Variants in FAM53A observed in about 807,000 individuals in gnomAD.
FAM53A encodes protein FAM53A.
Under a neutral mutation model 26.6 loss-of-function variants are expected in FAM53A, and 28 were observed. The ratio of observed to expected loss-of-function variants is 1.05; its 90% confidence interval spans 0.78 to 1.45. The LOEUF (loss-of-function observed/expected upper bound fraction) is 1.45. Ranked by LOEUF, FAM53A falls within the 40% of genes most tolerant of loss-of-function variation. The pLI, the probability that FAM53A is intolerant of heterozygous loss-of-function variation, is 0.00. For missense variants in FAM53A, 650 were observed against 575.8 expected (o/e 1.13, Z -1.32); for synonymous variants, 290 against 253.1 (o/e 1.15, Z -1.38).
intron 1 of FAM53A, among the ~76,000 whole-genome samples, chr4:1,682,308 G>T (rs1237140604): frequency 2.1e-5 from 3 of 139,948 alleles, no homozygotes; most frequent in Admixed American, 1.6e-4. Context: ...CTGTCATCAC[G>T]GTGGCGTGCA....
intron 1 of FAM53A, among the ~76,000 whole-genome samples, chr4:1,623,907 G>A (rs1357373709): frequency 6.6e-6 from 1 of 152,214 alleles, no homozygotes; most frequent in East Asian, 1.9e-4. Context: ...AGAAGTGGGT[G>A]CCCGGCTGGG....
At chr4:1,592,208 G>GA in the FAM53A span, among the ~76,000 whole-genome samples, 81 of 150,804 alleles carry the variant, frequency 5.4e-4, no homozygotes, top group Admixed American at 2.0e-3. Flanking sequence ...ACACCCCAGG[G>GA]AAAAAAAAAT....
At chr4:1,592,670 G>T in the FAM53A span, among the ~76,000 whole-genome samples, 1 of 152,108 alleles carries the variant, frequency 6.6e-6, no homozygotes, top group Non-Finnish European at 1.5e-5. Context: ...GCCTGGGGAT[G>T]GGAGGGCAGG....
chr4:1,677,446 C>G (rs960105993), intron 1 of FAM53A, among the ~76,000 whole-genome samples: 7 of 152,234 alleles, frequency 4.6e-5, no homozygotes, highest in African/African-American at 1.7e-4. Flanking sequence ...GCTCCCTCCT[C>G]TTCTCCAAAT....
the FAM53A span, among the ~76,000 whole-genome samples, chr4:1,587,989 A>C: frequency 2.0e-5 from 3 of 152,158 alleles, no homozygotes; most frequent in African/African-American, 7.2e-5. Flanking sequence ...TTCAATGTAC[A>C]TTTTAAAATT....
At chr4:1,644,149 T>C in intron 4 of FAM53A, 1 of 1,526,962 alleles carries the variant, frequency 6.5e-7, no homozygotes, top group South Asian at 1.2e-5. Context: ...ACCACCAGGC[T>C]GCACTACACA....
At chr4:1,657,213 C>T (rs993239826) in intron 3 of FAM53A, among the ~76,000 whole-genome samples, 195 bp downstream of exon 3, 1 of 152,262 alleles carries the variant, frequency 6.6e-6, no homozygotes, top group Non-Finnish European at 1.5e-5. Context: ...GTCCTGCTCA[C>T]AGACCACTCT....
At chr4:1,595,954 T>C in the FAM53A span, among the ~76,000 whole-genome samples, 2 of 152,250 alleles carry the variant, frequency 1.3e-5, no homozygotes, top group Non-Finnish European at 2.9e-5. Flanking sequence ...GGTCACTGTC[T>C]GCCCAAGGCA....
At chr4:1,637,253 G>A (rs138574759), downstream of FAM53A, among the ~76,000 whole-genome samples, 36 of 152,308 alleles carry the variant, frequency 2.4e-4, 5 homozygotes, top group East Asian at 2.1e-3. Flanking sequence ...AGTTAGACAA[G>A]CACGGGGCCT....
intron 1 of FAM53A, among the ~76,000 whole-genome samples, chr4:1,626,625 C>T (rs549399591): frequency 1.7e-3 from 249 of 147,768 alleles, no homozygotes; most frequent in African/African-American, 6.0e-3. Flanking sequence ...CTGGGGGACC[C>T]GGGACAGTGT....
At chr4:1,648,970 A>G (rs547132042) in intron 4 of FAM53A, among the ~76,000 whole-genome samples, 1 of 152,290 alleles carries the variant, frequency 6.6e-6, no homozygotes, top group South Asian at 2.1e-4. Flanking sequence ...AAAATTAGCC[A>G]GGTGTGGTGG....
intron 1 of FAM53A, among the ~76,000 whole-genome samples, chr4:1,677,355 T>C (rs187355539): frequency 6.6e-6 from 1 of 152,308 alleles, no homozygotes; most frequent in African/African-American, 2.4e-5. Context: ...GTCCCACGCT[T>C]GCTGCTGTTG....
chr4:1,624,260 G>A (rs1198572765), intron 1 of FAM53A, among the ~76,000 whole-genome samples: 1 of 152,216 alleles, frequency 6.6e-6, no homozygotes. Context: ...CACTTCGCAG[G>A]GCCCACGGCA....
intron 2 of FAM53A, among the ~76,000 whole-genome samples, chr4:1,657,985 A>G (rs544133895): frequency 5.6e-4 from 84 of 150,164 alleles, no homozygotes; most frequent in African/African-American, 2.0e-3. Context: ...TCTGTTTTTA[A>G]AAGAGCTGTT....
intron 1 of FAM53A, among the ~76,000 whole-genome samples, chr4:1,623,357 G>C (rs1176222388): frequency 6.6e-6 from 1 of 152,212 alleles, no homozygotes; most frequent in South Asian, 2.1e-4. Flanking sequence ...GCAGCCCCGG[G>C]AGAGGAGGCT....
chr4:1,679,641 G>C (rs566671138), intron 1 of FAM53A, among the ~76,000 whole-genome samples: 43 of 139,738 alleles, frequency 3.1e-4, no homozygotes, highest in Admixed American at 6.7e-4. Context: ...AGCCAAGATA[G>C]CACCACTGCA....
At chr4:1,681,705 G>A (rs1013188951) in intron 1 of FAM53A, among the ~76,000 whole-genome samples, 1 of 151,576 alleles carries the variant, frequency 6.6e-6, no homozygotes, top group Non-Finnish European at 1.5e-5. Flanking sequence ...GTCTCACTAT[G>A]TTGCCCAGGC....
At chr4:1,668,486 G>T (rs766899857) in intron 2 of FAM53A, among the ~76,000 whole-genome samples, 181 bp downstream of exon 2, 1 of 152,026 alleles carries the variant, frequency 6.6e-6, no homozygotes, top group Non-Finnish European at 1.5e-5. Context: ...GTGAAAATCC[G>T]CTGTGATTAC....
At chr4:1,643,395 G>A (rs1241373289) in intron 4 of FAM53A, among the ~76,000 whole-genome samples, 2 of 151,978 alleles carry the variant, frequency 1.3e-5, no homozygotes, top group African/African-American at 4.8e-5. Context: ...GAACCCGGGA[G>A]GCGGAGCTTG....
Sources: allele counts gnomAD v4.1 joint callset (sites outside exome capture counted in the v4.1 genomes callset), GRCh38; gene constraint gnomAD v4.1.1; transcripts MANE v1.5; gene names NCBI Gene and HGNC (gene_info 2026-07-23, HGNC 2026-07-21).